PBX3: variants seen among roughly 807,000 people sequenced by gnomAD.
PBX3 encodes the protein PBX homeobox 3.
PBX3 carries 14 observed loss-of-function variants against 48.5 expected under a neutral mutation model. The observed-to-expected ratio is 0.29, with a 90% CI of 0.19 to 0.45. The LOEUF (loss-of-function observed/expected upper bound fraction) is 0.45. Ranked by LOEUF, PBX3 falls within the 20% of genes least tolerant of loss-of-function variation. PBX3 has a pLI of 1.00. For synonymous variants in PBX3, 210 were observed against 200.3 expected, an observed-to-expected ratio of 1.05 and a Z score of -0.41; for missense variants, 386 against 546.7, an observed-to-expected ratio of 0.71 and a Z score of 2.93.
At chr9:125,936,378 A>G (rs529781780) in intron 5 of PBX3, among the ~76,000 whole-genome samples, 148 of 152,370 alleles carry the variant, frequency 9.7e-4, no homozygotes, top group Non-Finnish European at 2.0e-3. Flanking sequence ...TAATAGATTG[A>G]CATTTGAAGA....
chr9:125,885,021 A>G (rs1422073308), intron 2 of PBX3, among the ~76,000 whole-genome samples: 1 of 152,140 alleles, frequency 6.6e-6, no homozygotes, highest in Non-Finnish European at 1.5e-5. Context: ...TCAGGGCACA[A>G]CAAGAAGTTG....
At chr9:125,777,010 C>CTTT (rs1299800849) in intron 2 of PBX3, among the ~76,000 whole-genome samples, 1 of 94,298 alleles carries the variant, frequency 1.1e-5, no homozygotes. Flanking sequence ...TTTTTCTTTT[C>CTTT]TTTTCTTTTT....
At chr9:125,853,828 A>C (rs1338703683) in intron 2 of PBX3, among the ~76,000 whole-genome samples, 1 of 152,232 alleles carries the variant, frequency 6.6e-6, no homozygotes, top group Non-Finnish European at 1.5e-5. Context: ...ACAATTTAAA[A>C]ATAATTCTTA....
At chr9:125,870,148 A>C (rs1347642153) in intron 2 of PBX3, among the ~76,000 whole-genome samples, 1 of 150,524 alleles carries the variant, frequency 6.6e-6, no homozygotes, top group Non-Finnish European at 1.5e-5. Context: ...AGCTCCCTGC[A>C]ACCTCTGTCT....
At chr9:125,869,085 T>G (rs1466891794) in intron 2 of PBX3, among the ~76,000 whole-genome samples, 1 of 152,162 alleles carries the variant, frequency 6.6e-6, no homozygotes, top group Non-Finnish European at 1.5e-5. Flanking sequence ...AAGCATATTT[T>G]TTAAAAATTC....
chr9:125,766,859 G>A (rs1182306727), intron 2 of PBX3, among the ~76,000 whole-genome samples: 1 of 152,022 alleles, frequency 6.6e-6, no homozygotes, highest in Non-Finnish European at 1.5e-5. Context: ...GAGTAGTTAA[G>A]TAAAAAAATA....
intron 2 of PBX3, among the ~76,000 whole-genome samples, chr9:125,777,781 C>G (rs927315150): frequency 2.6e-5 from 4 of 152,056 alleles, no homozygotes; most frequent in Non-Finnish European, 5.9e-5. Context: ...GTTCAGATTT[C>G]TGTTTCTTCT....
chr9:125,835,051 A>ATT (rs1564681272), intron 2 of PBX3, among the ~76,000 whole-genome samples: 1 of 108,060 alleles, frequency 9.3e-6, no homozygotes, highest in South Asian at 3.0e-4. Flanking sequence ...AAAAAAAAAA[A>ATT]GGGCAAAAGA....
At chr9:125,755,672 G>GTGT (rs1836494842) in intron 2 of PBX3, among the ~76,000 whole-genome samples, 5 of 95,222 alleles carry the variant, frequency 5.3e-5, no homozygotes, top group East Asian at 6.8e-4. Context: ...GAGGAGCTTT[G>GTGT]TTTTTTTTTT....
chr9:125,906,021 T>C (rs993659518), intron 2 of PBX3, among the ~76,000 whole-genome samples: 1 of 152,002 alleles, frequency 6.6e-6, no homozygotes, highest in Non-Finnish European at 1.5e-5. Context: ...GAAACATCTA[T>C]AGTACTTACA....
At chr9:125,784,251 C>T (rs1176523875) in intron 2 of PBX3, among the ~76,000 whole-genome samples, 1 of 152,140 alleles carries the variant, frequency 6.6e-6, no homozygotes, top group Non-Finnish European at 1.5e-5. Context: ...GCTTCAGCCT[C>T]CCGAGTAGCT....
intron 2 of PBX3, among the ~76,000 whole-genome samples, chr9:125,862,956 G>A (rs1004492411): frequency 2.0e-5 from 3 of 152,090 alleles, no homozygotes; most frequent in Admixed American, 6.5e-5. Context: ...GTGCAGTGGC[G>A]TGATCTTGGC....
intron 2 of PBX3, among the ~76,000 whole-genome samples, chr9:125,752,556 C>T (rs998030407): frequency 1.3e-5 from 2 of 151,626 alleles, no homozygotes; most frequent in African/African-American, 2.4e-5. Context: ...TTCAAAGAGA[C>T]AAGGCAGTAC....
chr9:125,748,819 A>G lies in PBX3; in HGVS notation c.274+196A>G, dbSNP rs574885812. ...TTCTCAGTTCTGCTCCTGGTGTAAAATGAAGTGTAGGTGCGGACCGGGCTG... is the reference window on the plus strand; with the variant it reads ...TTCTCAGTTCTGCTCCTGGTGTAAAGTGAAGTGTAGGTGCGGACCGGGCTG... On this transcript the variant is annotated intron_variant, in intron 2 of 8. Transcript: ENST00000373489. 1.0e-5 allele frequency: 5 copies of G among 478,178 alleles called. No individual in the cohort carries two copies. In the South Asian group the frequency reaches 1.4e-4, roughly 14 times the overall value. 29.6% of individuals were successfully genotyped at this position (478,178 alleles called of 1,614,324 possible). A position where few individuals can be genotyped will look rare whatever the true frequency, so the allele number is the denominator to read the frequency against.
intron 5 of PBX3, among the ~76,000 whole-genome samples, chr9:125,948,357 T>G (rs1842110302): frequency 6.6e-6 from 1 of 152,232 alleles, no homozygotes; most frequent in Admixed American, 6.5e-5. Flanking sequence ...AAAGTACTTC[T>G]CAGTAAATAA....
intron 2 of PBX3, among the ~76,000 whole-genome samples, chr9:125,781,909 C>T (rs1040340350): frequency 1.3e-5 from 2 of 151,796 alleles, no homozygotes; most frequent in African/African-American, 2.4e-5. Flanking sequence ...ATGTCCTATA[C>T]CTTTTTGTTC....
rs542888051 is a variant in PBX3 at position 125,873,171 on chromosome 9, C to T, written c.275-42515C>T. On this transcript the variant is annotated intron_variant, in intron 2 of 8. Transcript: ENST00000373489. ...CTGCACTCCAGCCTGGGCGACAGAG[C>T]GAGACTCTGTCTCAAAAAAACAAAA... Among the ~76,000 whole-genome samples, 97 of 151,984 alleles carry T rather than the reference C, an allele frequency of 6.4e-4. 1 individual carries two copies. The highest frequency in any genetic ancestry group is 5.0e-4 in the Non-Finnish European group (34 of 67,952).
intron 2 of PBX3, among the ~76,000 whole-genome samples, chr9:125,839,018 A>G (rs1839215550): frequency 6.6e-6 from 1 of 152,172 alleles, no homozygotes; most frequent in South Asian, 2.1e-4. Context: ...GGAATGGTTC[A>G]GAATATGGGA....
intron 3 of PBX3, among the ~76,000 whole-genome samples, chr9:125,925,105 T>G (rs1391676065): frequency 6.6e-6 from 1 of 152,248 alleles, no homozygotes; most frequent in Non-Finnish European, 1.5e-5. Context: ...AAGGTTGATA[T>G]GTAATAAGAT....
Sources: gnomAD v4.1 joint callset for allele counts (sites outside exome capture counted in the v4.1 genomes callset) on GRCh38, gnomAD v4.1.1 for gene constraint, MANE v1.5 for transcripts, NCBI Gene and HGNC (gene_info 2026-07-23, HGNC 2026-07-21) for gene names.